Variants in TRAF2 observed in about 807,000 individuals in gnomAD.
TRAF2 encodes TNF receptor-associated factor 2.
In TRAF2, 6 loss-of-function variants were observed where a neutral mutation model predicts 55.6. That is an observed-to-expected ratio of 0.11 (90% CI 0.06 to 0.21). The LOEUF (loss-of-function observed/expected upper bound fraction) is 0.21, where lower values mean the gene tolerates loss of function less well. Ranked by LOEUF, TRAF2 falls within the 10% of genes least tolerant of loss-of-function variation. The pLI is 1.00. For missense variants in TRAF2, 561 were observed against 684.5 expected (o/e 0.82, Z 2.01); for synonymous variants, 329 against 276.3 (o/e 1.19, Z -1.89).
chr9:136,888,741 A>G (rs1849509589), intron 1 of TRAF2, among the ~76,000 whole-genome samples: 2 of 152,208 alleles, frequency 1.3e-5, no homozygotes, highest in African/African-American at 4.8e-5. Context: ...TTCACACACC[A>G]GAGTCAGGAT....
chr9:136,918,259 T>TATATATATATA (rs1564419549), intron 7 of TRAF2, among the ~76,000 whole-genome samples: 15 of 23,758 alleles, frequency 6.3e-4, no homozygotes, highest in African/African-American at 4.5e-3. Flanking sequence ...ATATATATAT[T>TATATATATATA]TATTTAATTA....
intron 1 of TRAF2, 117 bp from the exon 2 acceptor site, chr9:136,898,596 G>T (rs1387217321): frequency 1.7e-5 from 25 of 1,479,970 alleles, no homozygotes; most frequent in Non-Finnish European, 2.2e-5. Flanking sequence ...AGTCTTGACC[G>T]CAGGTCAGTG....
At chr9:136,913,108 G>C (rs961881361) in intron 6 of TRAF2, among the ~76,000 whole-genome samples, 14 of 151,558 alleles carry the variant, frequency 9.2e-5, no homozygotes, top group African/African-American at 3.4e-4. Flanking sequence ...GCGCCAGTGC[G>C]CTCCAGCCTG....
rs1191583205 is a variant in TRAF2, at chr9:136,892,281, G to A, written c.-29+5740G>A. ...GATCGAGACCATCCTGGCTAACACG[G>A]TGAAACCCCGTCTCTACTAAAAAAT... On this transcript the variant is annotated intron_variant, in intron 1 of 10. Coordinates refer to ENST00000247668, the MANE Select transcript of TRAF2 (RefSeq NM_021138.4). Among the ~76,000 whole-genome samples, 3 of 151,782 alleles carry A rather than the reference G, an allele frequency of 2.0e-5. No homozygotes were observed. The East Asian group carries it at 5.9e-4, about 30-fold the overall frequency.
At chr9:136,895,814 C>G (rs1405117860) in intron 1 of TRAF2, among the ~76,000 whole-genome samples, 1 of 148,390 alleles carries the variant, frequency 6.7e-6, no homozygotes, top group Middle Eastern at 3.3e-3. Flanking sequence ...CCACTGCACT[C>G]CAGCCTAGGT....
At chr9:136,924,833 G>T (rs1448921527) in intron 10 of TRAF2, among the ~76,000 whole-genome samples, 2 of 152,022 alleles carry the variant, frequency 1.3e-5, no homozygotes, top group Non-Finnish European at 2.9e-5. Context: ...TCCCCTCCTG[G>T]GTTCAAGCGA....
At chr9:136,893,958 C>T (rs1366011350) in intron 1 of TRAF2, among the ~76,000 whole-genome samples, 2 of 151,006 alleles carry the variant, frequency 1.3e-5, no homozygotes, top group Non-Finnish European at 2.9e-5. Context: ...CCATGTTGGT[C>T]GGGCTGGTCT....
chr9:136,909,084 G>A (rs1850034086), intron 5 of TRAF2, among the ~76,000 whole-genome samples: 1 of 151,858 alleles, frequency 6.6e-6, no homozygotes, highest in Non-Finnish European at 1.5e-5. Context: ...TTTGTTTTTA[G>A]GACAAAAAAG....
intron 2 of TRAF2, among the ~76,000 whole-genome samples, chr9:136,899,248 C>T (rs999332815): frequency 5.9e-5 from 9 of 152,182 alleles, no homozygotes; most frequent in African/African-American, 1.9e-4. Context: ...CTGCTCTAGG[C>T]AGCTAAGACA....
chr9:136,923,606 A>AT (rs1850448261), intron 9 of TRAF2, among the ~76,000 whole-genome samples: 1 of 59,496 alleles, frequency 1.7e-5, no homozygotes, highest in African/African-American at 9.3e-5. Flanking sequence ...GTGAGACTCC[A>AT]TCTCAAAAAA....
chr9:136,886,510 G>A (rs995065063), upstream of TRAF2: 4 of 997,034 alleles, frequency 4.0e-6, no homozygotes, highest in South Asian at 1.3e-4. Context: ...AGCTGGGCGG[G>A]CCCTTAGTTC....
intron 10 of TRAF2, among the ~76,000 whole-genome samples, 172 bp downstream of exon 10, chr9:136,924,172 C>T (rs372101638): frequency 6.6e-6 from 1 of 152,176 alleles, no homozygotes; most frequent in Non-Finnish European, 1.5e-5. Context: ...AGAGCTCTGG[C>T]AGTTTGTTGT....
At chr9:136,883,915 G>A (rs942829508), upstream of TRAF2, among the ~76,000 whole-genome samples, 8 of 150,030 alleles carry the variant, frequency 5.3e-5, no homozygotes, top group Admixed American at 6.7e-5. Flanking sequence ...TACGCCTCCC[G>A]GGTTCAAGTG....
At chr9:136,897,795 C>T (rs1449268823) in intron 1 of TRAF2, among the ~76,000 whole-genome samples, 3 of 136,230 alleles carry the variant, frequency 2.2e-5, no homozygotes, top group African/African-American at 8.5e-5. Context: ...TCCAGGTGTG[C>T]TACGTTCCGC....
rs1051415829 is a variant in TRAF2, at chr9:136,899,700, T to C, written c.267+28T>C. On this transcript the variant is annotated intron_variant, in intron 3 of 10. Coordinates refer to ENST00000247668, the MANE Select transcript of TRAF2 (RefSeq NM_021138.4). ...AAGTAAAATGTCTTGAAGCTAAAAA[T>C]GTTGAACAGAAAATGTCTTAATTTC... 9 of 1,602,260 alleles carry C rather than the reference T, an allele frequency of 5.6e-6. No homozygotes were observed. In the African/African-American group the frequency reaches 9.4e-5, roughly 17 times the overall value.
At chr9:136,882,576 C>T (rs1849387171), upstream of TRAF2, 8 of 755,928 alleles carry the variant, frequency 1.1e-5, no homozygotes, top group South Asian at 4.8e-4. Flanking sequence ...TGAGAGGGTG[C>T]TGGGGCTTCT....
chr9:136,889,241 G>A lies in TRAF2; in HGVS notation c.-29+2700G>A, dbSNP rs142508217. On this transcript the variant is annotated intron_variant, in intron 1 of 10. Coordinates refer to ENST00000247668, the MANE Select transcript of TRAF2 (RefSeq NM_021138.4). ...TCTGTTTTTTTTTTTTTTTTGAGAC[G>A]GAGTCTCGCTCTGTCCCCCGGTGTG... Among the ~76,000 whole-genome samples, 103 of 143,600 alleles carry A rather than the reference G, an allele frequency of 7.2e-4. 1 individual carries two copies. In the East Asian group the frequency reaches 0.016, roughly 22 times the overall value. 94.2% of individuals were successfully genotyped at this position (143,600 alleles called of 152,430 possible).
intron 1 of TRAF2, among the ~76,000 whole-genome samples, chr9:136,894,614 A>G (rs552579149): frequency 5.3e-5 from 8 of 152,204 alleles, no homozygotes; most frequent in African/African-American, 1.9e-4. Context: ...GAGGGGGACA[A>G]GGCCAGATGG....
intron 6 of TRAF2, among the ~76,000 whole-genome samples, chr9:136,912,347 A>G (rs911894451): frequency 2.0e-5 from 3 of 150,666 alleles, no homozygotes; most frequent in Non-Finnish European, 4.4e-5. Context: ...TTTTTAGTAG[A>G]GACAGGGTTT....
Sources: gnomAD v4.1 joint callset for allele counts (sites outside exome capture counted in the v4.1 genomes callset) on GRCh38, gnomAD v4.1.1 for gene constraint, MANE v1.5 for transcripts, NCBI Gene and HGNC (gene_info 2026-07-23, HGNC 2026-07-21) for gene names.